Variants in ZBTB45 observed in about 807,000 individuals in gnomAD.
The protein encoded by ZBTB45 is zinc finger and BTB domain-containing protein 45.
ZBTB45 carries 22 observed loss-of-function variants against 28.4 expected under a neutral mutation model. That is an observed-to-expected ratio of 0.77 (90% CI 0.55 to 1.10). The LOEUF (loss-of-function observed/expected upper bound fraction) is 1.10. ZBTB45 is among the 50% of genes least tolerant of loss of function. The pLI, the probability that ZBTB45 is intolerant of heterozygous loss-of-function variation, is 0.00. For missense variants in ZBTB45, 656 were observed against 750.2 expected (o/e 0.87, Z 1.47); for synonymous variants, 361 against 332.3 (o/e 1.09, Z -0.94).
chr19:58,527,577 T>C (rs532784109), intron 1 of ZBTB45, among the ~76,000 whole-genome samples: 1 of 152,292 alleles, frequency 6.6e-6, no homozygotes, highest in Non-Finnish European at 1.5e-5. Flanking sequence ...TTGTGAATTG[T>C]CTCTGGTCAG....
chr19:58,536,717 G>A (rs2053662295), intron 1 of ZBTB45, among the ~76,000 whole-genome samples: 1 of 152,280 alleles, frequency 6.6e-6, no homozygotes, highest in East Asian at 1.9e-4. Flanking sequence ...TGGCTTTGGG[G>A]GTGACACCTG....
chr19:58,521,128 G>T (rs1202523297), upstream of ZBTB45, among the ~76,000 whole-genome samples: 4 of 148,482 alleles, frequency 2.7e-5, no homozygotes, highest in African/African-American at 1.0e-4. Context: ...ACTGTGGGAG[G>T]CCGAGGCGGG....
chr19:58,523,757 G>T (rs1425006720), upstream of ZBTB45, among the ~76,000 whole-genome samples: 1 of 134,656 alleles, frequency 7.4e-6, no homozygotes, highest in Admixed American at 7.2e-5. Context: ...TGCAAGCTCC[G>T]CCTCCTGGGT....
chr19:58,515,335 A>G lies in ZBTB45; in HGVS notation c.1280-1025T>C, dbSNP rs1568639800. Among the ~76,000 whole-genome samples the G allele has an allele frequency of 6.6e-6, 1 of 151,242 alleles. No homozygotes were observed. The highest frequency in any genetic ancestry group is 1.9e-4 in the East Asian group (1 of 5,160). ...GGTCTCAAAAAAAATTAAAAAAAAAAAAACCCTATCTCAGTGGCAGTGGAC... is the reference window on the plus strand; with the variant it reads ...GGTCTCAAAAAAAATTAAAAAAAAAGAAACCCTATCTCAGTGGCAGTGGAC... On this transcript the variant is annotated intron_variant, in intron 2 of 2. Transcript: ENST00000594051. This position sits in a 1 kb window ranked among gnomAD's most constrained non-coding sequence, Gnocchi z 4.7.
intron 1 of ZBTB45, among the ~76,000 whole-genome samples, chr19:58,530,179 G>A (rs899705428): frequency 6.6e-6 from 1 of 150,494 alleles, no homozygotes; most frequent in Admixed American, 6.7e-5. Context: ...ACTCCAGTCT[G>A]ATGACAGAGA....
At chr19:58,520,734 G>C (rs2053570062), upstream of ZBTB45, among the ~76,000 whole-genome samples, 1 of 152,144 alleles carries the variant, frequency 6.6e-6, no homozygotes, top group African/African-American at 2.4e-5. Context: ...GAGAATCTGA[G>C]AAGAGCTGCA....
At position 58,514,031 on chromosome 19, in the gene ZBTB45, G is replaced by A; in HGVS notation, c.*23C>T. 2.9e-6 allele frequency: 4 copies of A among 1,388,814 alleles called. No homozygotes were observed. The highest frequency in any genetic ancestry group is 3.7e-6 in the Non-Finnish European group (4 of 1,077,850). The allele number at this position is 1,388,814 out of a possible 1,614,324, so 86.0% of individuals were successfully genotyped here. A position where few individuals can be genotyped will look rare whatever the true frequency, so the allele number is the denominator to read the frequency against. The stretch of plus-strand genomic sequence containing the variant: ...TGCGGGAGGCCCCGGATCCACCGTG[G>A]GCGAGGCCAGGCCCCAGCGCCATCA... On this transcript the variant is annotated 3_prime_UTR_variant, in exon 3 of 3. Coordinates refer to ENST00000594051, the MANE Select transcript of ZBTB45 (RefSeq NM_001316979.2).
In ZBTB45 at chr19:58,516,884, C is replaced by T. The variant is rs771481913; in HGVS notation, c.790G>A (p.Asp264Asn). The stretch of plus-strand genomic sequence containing the variant: ...AAATCTCTCCCGGCACCACTGTAGT[C>T]AGCGAGGCCAGTGGGTGCAGGGGGC... ...EEPPAPTGLA[D>N]YSGAGRDFLR... Residue 264 changes from aspartate to asparagine, a missense_variant, in exon 2 of 3, where the codon GAC (aspartate) becomes AAC (asparagine). By Grantham distance (23) the Asp-to-Asn change is conservative (BLOSUM62 1). Transcript: ENST00000594051. The surrounding 1 kb of genome is among the most constrained non-coding windows in gnomAD (Gnocchi z 6.2). 2 of 1,613,358 alleles carry T rather than the reference C, an allele frequency of 1.2e-6. No homozygotes were observed. The highest frequency in any genetic ancestry group is 1.7e-6 in the Non-Finnish European group (2 of 1,180,018).
intron 1 of ZBTB45, among the ~76,000 whole-genome samples, chr19:58,536,045 T>G (rs1422060907): frequency 6.6e-6 from 1 of 151,718 alleles, no homozygotes; most frequent in Non-Finnish European, 1.5e-5. Flanking sequence ...AAGTCAGAGG[T>G]CAGCAGGGCC....
chr19:58,516,747 C>G lies in ZBTB45; in HGVS notation c.927G>C (p.Gln309His). The G allele has an allele frequency of 6.2e-7, 1 of 1,612,100 alleles. No individual in the cohort carries two copies. Among genetic ancestry groups the G allele is most frequent in the Non-Finnish European group, 8.5e-7 (1 of 1,178,996 alleles). ...GGGATCCAGACAGTATGCAGTCGGGCTGGACAGGGGTCTCAGTGGGACAGC... is the reference window on the plus strand; with the variant it reads ...GGGATCCAGACAGTATGCAGTCGGGGTGGACAGGGGTCTCAGTGGGACAGC... ...PEGCPTETPVQPDCILSGSRP... is the reference protein window; with the variant it reads ...PEGCPTETPVHPDCILSGSRP... The change falls in exon 2 of 3, where the codon CAG becomes CAC. Residue 309 changes from glutamine to histidine, a missense_variant. Physicochemically the swap from Gln to His is conservative, Grantham distance 24 (BLOSUM62 0). Around this residue, in one of 3 missense-constraint regions of ZBTB45, gnomAD observed 448 missense variants for 444.3 expected, o/e 1.01. Transcript: ENST00000594051. The surrounding 1 kb of genome is among the most constrained non-coding windows in gnomAD (Gnocchi z 6.2).
At position 58,516,594 on chromosome 19, in the gene ZBTB45, G is replaced by A. The variant is rs2053499011; in HGVS notation, c.1080C>T (p.Phe360=). The A allele has an allele frequency of 5.7e-6, 9 of 1,569,220 alleles. No homozygotes were observed. Among genetic ancestry groups the A allele is most frequent in the Non-Finnish European group, 6.9e-6 (8 of 1,157,672 alleles). ...SGPAPAPPPA[F]YPTLQPEAAP... Reference sequence around the variant, plus strand: ...CTGCCTCGGGCTGGAGTGTGGGGTAGAAGGCGGGTGGGGGCGCAGGGGCTG... The same window carrying A: ...CTGCCTCGGGCTGGAGTGTGGGGTAAAAGGCGGGTGGGGGCGCAGGGGCTG... Residue 360 remains phenylalanine (F), a synonymous_variant, in exon 2 of 3, where the codon TTC becomes TTT. Transcript: ENST00000594051. The surrounding 1 kb of genome is among the most constrained non-coding windows in gnomAD (Gnocchi z 6.2).
intron 1 of ZBTB45, among the ~76,000 whole-genome samples, chr19:58,525,508 C>G (rs1464115768): frequency 6.6e-6 from 1 of 152,110 alleles, no homozygotes; most frequent in Non-Finnish European, 1.5e-5. Flanking sequence ...TGTGAAGGGG[C>G]AATGGCAGGA....
At position 58,538,066 on chromosome 19, in the gene ZBTB45, G is replaced by A. The variant is rs796663688; in HGVS notation, c.-1+635C>T. ...TTGGTCAGGCTGGTGGCGAACTCCC[G>A]ACCTCAGGTGATCCGCCCACCTCGG... On this transcript the variant is annotated intron_variant, in intron 1 of 1. Transcript: ENST00000600130. Among the ~76,000 whole-genome samples the A allele has an allele frequency of 4.6e-5, 7 of 152,050 alleles. 2 individuals are homozygous for A. The highest frequency in any genetic ancestry group is 1.7e-4 in the African/African-American group (7 of 41,508).
At chr19:58,536,133 A>G (rs2122600413) in intron 1 of ZBTB45, among the ~76,000 whole-genome samples, 1 of 151,744 alleles carries the variant, frequency 6.6e-6, no homozygotes, top group East Asian at 1.9e-4. Flanking sequence ...GCTGGAGTGC[A>G]GTGCCTGGCC....
chr19:58,514,299 G>A lies in ZBTB45; in HGVS notation c.1291C>T (p.His431Tyr). The part of the protein sequence containing the change: ...HMFIHSGEKP[H>Y]QCAVCWRSFS... ...GATCGCCAGCACACGGCGCACTGGT[G>A]CGGCTTCTCCCCTGCGGAAGACAGG... The change falls in exon 3 of 3, where the codon CAC (histidine) becomes TAC (tyrosine). Residue 431 changes from histidine to tyrosine, a missense_variant. By Grantham distance (83) the His-to-Tyr change is moderately conservative. Coordinates refer to ENST00000594051, the MANE Select transcript of ZBTB45 (RefSeq NM_001316979.2). The A allele has an allele frequency of 6.2e-7, 1 of 1,603,226 alleles. No homozygotes were observed. The highest frequency in any genetic ancestry group is 8.5e-7 in the Non-Finnish European group (1 of 1,173,166).
upstream of ZBTB45, among the ~76,000 whole-genome samples, chr19:58,524,793 G>A (rs1332016576): frequency 6.6e-6 from 1 of 151,702 alleles, no homozygotes; most frequent in Non-Finnish European, 1.5e-5. Context: ...TGAGGCAGGA[G>A]AATGGCGTGA....
upstream of ZBTB45, among the ~76,000 whole-genome samples, chr19:58,521,154 G>T (rs1453151360): frequency 1.3e-5 from 2 of 148,304 alleles, no homozygotes; most frequent in Admixed American, 6.8e-5. Flanking sequence ...CATGAGGTCA[G>T]GAGATCGAGA....
intron 1 of ZBTB45, among the ~76,000 whole-genome samples, chr19:58,536,005 C>T (rs1176967617): frequency 1.3e-5 from 2 of 152,112 alleles, no homozygotes; most frequent in Non-Finnish European, 2.9e-5. Flanking sequence ...CAACAGGTCT[C>T]CTATGTGGCT....
Position 58,513,968 on chromosome 19 carries a change from G to A in ZBTB45, c.*86C>T. On this transcript the variant is annotated 3_prime_UTR_variant, in exon 3 of 3. Transcript: ENST00000594051. ...GCTCAGGAGGGAGCGTGGTCTAGTG[G>A]CGGGAACCACGGGTCCCGCAGCGGG... The A allele has an allele frequency of 1.5e-6, 2 of 1,339,166 alleles. No individual in the cohort carries two copies. The highest frequency in any genetic ancestry group is 6.0e-5 in the East Asian group (2 of 33,248). 83.0% of individuals were successfully genotyped at this position (1,339,166 alleles called of 1,614,324 possible).
Sources: gnomAD v4.1 joint callset for allele counts (sites outside exome capture counted in the v4.1 genomes callset) on GRCh38, gnomAD v4.1.1 for gene constraint, gnomAD v4.1.1 regional missense constraint, Gnocchi (gnomAD v3.1) non-coding constraint, MANE v1.5 for transcripts, NCBI Gene and HGNC (gene_info 2026-07-23, HGNC 2026-07-21) for gene names.